The following GRM7 variants were observed in gnomAD, a reference collection of about 807,000 sequenced individuals.
The protein encoded by GRM7 is glutamate metabotropic receptor 7.
In GRM7, 35 loss-of-function variants were observed where a neutral mutation model predicts 84.5. The observed-to-expected ratio is 0.41, with a 90% CI of 0.32 to 0.55. The LOEUF (loss-of-function observed/expected upper bound fraction) is 0.55, where lower values mean the gene tolerates loss of function less well. Ranked by LOEUF, GRM7 falls within the 20% of genes least tolerant of loss-of-function variation. GRM7 has a pLI of 0.19. For synonymous variants in GRM7, 487 were observed against 455.1 expected (o/e 1.07, Z -0.89); for missense variants, 1,003 against 1,194.6 (o/e 0.84, Z 2.36).
At chr3:7,032,775 T>A (rs958271140) in intron 1 of GRM7, among the ~76,000 whole-genome samples, 2 of 152,202 alleles carry the variant, frequency 1.3e-5, no homozygotes, top group African/African-American at 2.4e-5. Context: ...CCTTTGACAA[T>A]CTTCTAGTTC....
At chr3:6,880,890 T>C (rs1227792636) in intron 1 of GRM7, among the ~76,000 whole-genome samples, 2 of 152,202 alleles carry the variant, frequency 1.3e-5, no homozygotes, top group Non-Finnish European at 2.9e-5. Flanking sequence ...GTGTAATGCT[T>C]CTAATAATTT....
At chr3:7,466,978 AT>A (rs546403647) in intron 7 of GRM7, among the ~76,000 whole-genome samples, 114 of 152,220 alleles carry the variant, frequency 7.5e-4, no homozygotes, top group African/African-American at 2.6e-3. Context: ...GGCATTTGTT[AT>A]TTTTTTGTTA....
At chr3:7,456,399 C>G (rs779725) in intron 6 of GRM7, among the ~76,000 whole-genome samples, 28,918 of 150,218 alleles carry the variant, frequency 0.19, 3,224 homozygotes, top group East Asian at 0.48. Context: ...TATGCATTGG[C>G]TTATTTTATC....
intron 2 of GRM7, among the ~76,000 whole-genome samples, chr3:7,197,172 T>G (rs1354530103): frequency 6.6e-6 from 1 of 152,162 alleles, no homozygotes; most frequent in Non-Finnish European, 1.5e-5. Context: ...TGCTTTTGGT[T>G]AACCAACAAA....
At chr3:6,900,870 C>G (rs1696358121) in intron 1 of GRM7, among the ~76,000 whole-genome samples, 1 of 152,148 alleles carries the variant, frequency 6.6e-6, no homozygotes, top group Admixed American at 6.5e-5. Context: ...CTGCAAGCAC[C>G]AGGCTGTGGC....
chr3:7,000,558 A>C (rs930811576), intron 1 of GRM7, among the ~76,000 whole-genome samples: 1 of 152,180 alleles, frequency 6.6e-6, no homozygotes, highest in Non-Finnish European at 1.5e-5. Context: ...CACTACAAGT[A>C]GAGTCCATTA....
intron 7 of GRM7, among the ~76,000 whole-genome samples, chr3:7,550,127 A>C (rs2125024528): frequency 6.6e-6 from 1 of 151,622 alleles, no homozygotes; most frequent in South Asian, 2.1e-4. Flanking sequence ...AATGGATTTA[A>C]GTGCTGTCCA....
intron 1 of GRM7, among the ~76,000 whole-genome samples, chr3:6,927,993 G>T (rs112687541): frequency 6.6e-6 from 1 of 152,008 alleles, no homozygotes; most frequent in Non-Finnish European, 1.5e-5. Flanking sequence ...TCACTAGGTC[G>T]CAAATCCACT....
chr3:7,059,573 C>T (rs1325539800), intron 1 of GRM7, among the ~76,000 whole-genome samples: 4 of 151,690 alleles, frequency 2.6e-5, no homozygotes, highest in African/African-American at 4.8e-5. Context: ...TTTCTAAAAT[C>T]ATTTTTTATC....
intron 1 of GRM7, among the ~76,000 whole-genome samples, chr3:6,999,883 A>C (rs969286823): frequency 3.3e-5 from 5 of 152,218 alleles, no homozygotes; most frequent in Non-Finnish European, 1.5e-5. Context: ...TCAAGATGAG[A>C]TTTGTGTGGG....
rs374689227 is a variant in GRM7 at position 6,953,420 on chromosome 3, C to T, written c.519+91513C>T. 2.5e-4 allele frequency among the ~76,000 whole-genome samples: 38 copies of T among 152,294 alleles called. 2 individuals are homozygous for T. The East Asian group carries it at 7.1e-3, about 29-fold the overall frequency. On this transcript the variant is annotated intron_variant, in intron 1 of 9. Transcript: ENST00000357716. ...TGTACCCCAAAAAGGCAAGCAAGCTCTCTGCTGAATTGCTCACCATCTCTT... is the reference window on the plus strand; with the variant it reads ...TGTACCCCAAAAAGGCAAGCAAGCTTTCTGCTGAATTGCTCACCATCTCTT...
chr3:6,979,518 G>A (rs912272393), intron 1 of GRM7, among the ~76,000 whole-genome samples: 1 of 151,696 alleles, frequency 6.6e-6, no homozygotes, highest in African/African-American at 2.4e-5. Flanking sequence ...GAGGATCTCA[G>A]TGATATTTAT....
At chr3:6,938,639 G>C (rs982536110) in intron 1 of GRM7, among the ~76,000 whole-genome samples, 1 of 152,284 alleles carries the variant, frequency 6.6e-6, no homozygotes, top group East Asian at 1.9e-4. Context: ...AGAAAGGAGG[G>C]AGGTGAGGAG....
intron 2 of GRM7, among the ~76,000 whole-genome samples, chr3:7,270,469 T>C (rs181514436): frequency 7.9e-5 from 12 of 152,182 alleles, no homozygotes; most frequent in Middle Eastern, 6.8e-3. Flanking sequence ...AATGTATAGT[T>C]TTTTTTAGCC....
intron 2 of GRM7, among the ~76,000 whole-genome samples, chr3:7,290,121 G>T (rs1699571451): frequency 6.6e-6 from 1 of 152,070 alleles, no homozygotes; most frequent in Admixed American, 6.6e-5. Flanking sequence ...TATGAAAGTT[G>T]CTTAATAAAT....
chr3:6,937,688 T>C (rs1004698590), intron 1 of GRM7, among the ~76,000 whole-genome samples: 3 of 152,226 alleles, frequency 2.0e-5, no homozygotes, highest in African/African-American at 7.2e-5. Flanking sequence ...GTTTTCTGAA[T>C]GAGCTTGTAG....
At chr3:7,662,225 G>A (rs73810849) in intron 8 of GRM7, among the ~76,000 whole-genome samples, 3,364 of 152,260 alleles carry the variant, frequency 0.022, 99 homozygotes, top group African/African-American at 0.067. Context: ...GAGCAAAAGC[G>A]AATTATGGGG....
intron 2 of GRM7, among the ~76,000 whole-genome samples, chr3:7,235,258 G>A (rs778323313): frequency 5.3e-5 from 8 of 152,148 alleles, no homozygotes; most frequent in Non-Finnish European, 1.2e-4. Flanking sequence ...TTCATGCATT[G>A]TGCCTCTGCA....
chr3:7,414,051 C>G (rs531020802), intron 4 of GRM7, among the ~76,000 whole-genome samples: 34 of 152,212 alleles, frequency 2.2e-4, no homozygotes, highest in African/African-American at 7.9e-4. Flanking sequence ...GGATCTGAGA[C>G]TACCTACTTC....
Sources: allele counts gnomAD v4.1 joint callset (sites outside exome capture counted in the v4.1 genomes callset), GRCh38; gene constraint gnomAD v4.1.1; transcripts MANE v1.5; gene names NCBI Gene and HGNC (gene_info 2026-07-23, HGNC 2026-07-21).